Variants in EYS observed in about 807,000 individuals in gnomAD.
EYS encodes the protein protein eyes shut homolog.
In EYS, 250 loss-of-function variants were observed where a neutral mutation model predicts 282.1. The ratio of observed to expected loss-of-function variants is 0.89; its 90% CI spans 0.80 to 0.98. The LOEUF is 0.98. Among genes scored for constraint, EYS ranks in the 50% least tolerant of loss-of-function variants. The probability of loss-of-function intolerance (pLI) is 0.00; values close to 1 mark genes in which losing one functional copy is unlikely to be tolerated. For missense variants in EYS, 4,016 were observed against 3,709.0 expected (o/e 1.08, Z -2.15); for synonymous variants, 1,355 against 1,282.9 (o/e 1.06, Z -1.20).
intron 12 of EYS, among the ~76,000 whole-genome samples, chr6:65,114,274 T>C (rs1199307533): frequency 6.7e-6 from 1 of 150,340 alleles, no homozygotes; most frequent in African/African-American, 2.4e-5. Context: ...TCTTATGAAA[T>C]AAAACAAACT....
chr6:65,438,417 T>C lies in EYS; in HGVS notation c.863-33050A>G, dbSNP rs570523123. 4.1e-4 allele frequency among the ~76,000 whole-genome samples: 62 copies of C among 152,312 alleles called. 1 individual carries two copies. Among genetic ancestry groups the C allele is most frequent in the African/African-American group, 1.4e-3 (59 of 41,574 alleles). On this transcript the variant is annotated intron_variant, in intron 5 of 42. Transcript: ENST00000503581. ...AAATGGTATTTCTAATTCTAGATCC[T>C]TGAGGAATCGCCATACTGTCTTCTA...
intron 12 of EYS, among the ~76,000 whole-genome samples, chr6:65,196,071 C>A (rs1370942419): frequency 3.9e-5 from 6 of 152,004 alleles, no homozygotes; most frequent in Non-Finnish European, 7.4e-5. Flanking sequence ...GCTAAACATA[C>A]TATCTACAAG....
At chr6:65,486,142 C>A (rs1765775049) in intron 5 of EYS, among the ~76,000 whole-genome samples, 1 of 152,112 alleles carries the variant, frequency 6.6e-6, no homozygotes, top group Non-Finnish European at 1.5e-5. Context: ...ACACATAGTT[C>A]ATATTTTGTT....
At chr6:65,202,164 T>A (rs186246829) in intron 12 of EYS, among the ~76,000 whole-genome samples, 12 of 152,066 alleles carry the variant, frequency 7.9e-5, no homozygotes, top group Admixed American at 7.2e-4. Context: ...ACATATATAA[T>A]CTCTGATGAA....
chr6:64,047,775 A>G (rs1770677627), intron 33 of EYS, among the ~76,000 whole-genome samples: 1 of 152,148 alleles, frequency 6.6e-6, no homozygotes, highest in Non-Finnish European at 1.5e-5. Context: ...GCTTGGACAA[A>G]CTACGTGTCC....
intron 19 of EYS, among the ~76,000 whole-genome samples, chr6:64,883,574 G>A (rs1224887021): frequency 6.6e-6 from 1 of 151,178 alleles, no homozygotes; most frequent in Non-Finnish European, 1.5e-5. Context: ...CTAGTTAAGA[G>A]GAGACTTCTT....
At chr6:64,483,020 A>G (rs1486591218) in intron 26 of EYS, among the ~76,000 whole-genome samples, 4 of 151,628 alleles carry the variant, frequency 2.6e-5, no homozygotes, top group Non-Finnish European at 4.4e-5. Flanking sequence ...TCTGTTGGCC[A>G]CTAGAGCTGA....
At chr6:64,568,119 T>C (rs1239464484) in intron 26 of EYS, among the ~76,000 whole-genome samples, 1 of 152,214 alleles carries the variant, frequency 6.6e-6, no homozygotes, top group Admixed American at 6.5e-5. Flanking sequence ...TCCAGAAATC[T>C]GCAGAGGATT....
At chr6:64,125,416 T>A (rs75370666) in intron 31 of EYS, among the ~76,000 whole-genome samples, 1 of 151,666 alleles carries the variant, frequency 6.6e-6, no homozygotes, top group Non-Finnish European at 1.5e-5. Flanking sequence ...TTTTTTTTTT[T>A]AACCAGGCTT....
intron 14 of EYS, among the ~76,000 whole-genome samples, chr6:64,973,070 A>G (rs934867151): frequency 6.6e-6 from 1 of 152,036 alleles, no homozygotes; most frequent in East Asian, 1.9e-4. Context: ...ATCTGACTTC[A>G]CTATTATTTT....
At chr6:65,247,459 T>C (rs1489765586) in intron 12 of EYS, among the ~76,000 whole-genome samples, 1 of 152,116 alleles carries the variant, frequency 6.6e-6, no homozygotes, top group East Asian at 1.9e-4. Context: ...TAAATATTCA[T>C]TGTTTTGCCT....
intron 31 of EYS, among the ~76,000 whole-genome samples, chr6:64,200,065 G>A (rs896924778): frequency 1.3e-5 from 2 of 152,136 alleles, no homozygotes; most frequent in African/African-American, 4.8e-5. Flanking sequence ...TTAATTGAGA[G>A]AAGCCAGTCT....
At position 64,573,889 on chromosome 6, in the gene EYS, C is replaced by T. The variant is rs1582909925; in HGVS notation, c.5644+16334G>A. Among the ~76,000 whole-genome samples, 4 of 151,954 alleles carry T rather than the reference C, an allele frequency of 2.6e-5. No homozygotes were observed. The East Asian group carries it at 7.8e-4, about 30-fold the overall frequency. On this transcript the variant is annotated intron_variant, in intron 26 of 42. Transcript: ENST00000503581. ...GTGGCAATTCCTCAAGGATCTAGAA[C>T]CAGAAATACCATTTGACCCAGCAAT...
intron 14 of EYS, among the ~76,000 whole-genome samples, chr6:64,959,178 G>A (rs1314464449): frequency 6.6e-6 from 1 of 152,108 alleles, no homozygotes; most frequent in African/African-American, 2.4e-5. Flanking sequence ...AAAAATGTGA[G>A]CTACAATTTC....
intron 22 of EYS, among the ~76,000 whole-genome samples, chr6:64,632,236 T>C (rs1767807170): frequency 6.6e-6 from 1 of 152,164 alleles, no homozygotes; most frequent in East Asian, 1.9e-4. Flanking sequence ...ACCACAGTTC[T>C]TTTCCGTGAT....
At chr6:64,578,294 T>C (rs958012552) in intron 26 of EYS, among the ~76,000 whole-genome samples, 14 of 152,124 alleles carry the variant, frequency 9.2e-5, no homozygotes, top group Non-Finnish European at 1.5e-4. Flanking sequence ...ATATGTGACT[T>C]CATCCTCCAC....
chr6:65,269,489 C>A (rs1767842040), intron 12 of EYS, among the ~76,000 whole-genome samples: 1 of 152,134 alleles, frequency 6.6e-6, no homozygotes, highest in Non-Finnish European at 1.5e-5. Flanking sequence ...CTTGGTAGTT[C>A]TGAGTTTCTG....
intron 2 of EYS, among the ~76,000 whole-genome samples, chr6:65,519,939 C>T (rs1767304208): frequency 6.8e-6 from 1 of 147,526 alleles, no homozygotes; most frequent in Non-Finnish European, 1.5e-5. Flanking sequence ...GCCTAGGAAT[C>T]AATACTTTTC....
chr6:65,204,073 C>T (rs535999753), intron 12 of EYS, among the ~76,000 whole-genome samples: 4 of 151,880 alleles, frequency 2.6e-5, no homozygotes, highest in Admixed American at 6.6e-5. Context: ...TTATGTAAAG[C>T]GACCAAATCT....
Sources: gnomAD v4.1 joint callset for allele counts (sites outside exome capture counted in the v4.1 genomes callset) on GRCh38, gnomAD v4.1.1 for gene constraint, MANE v1.5 for transcripts, NCBI Gene and HGNC (gene_info 2026-07-23, HGNC 2026-07-21) for gene names.